The following MEI4 variants were observed in gnomAD, a reference collection of about 807,000 sequenced individuals.
MEI4 encodes meiosis-specific protein MEI4.
MEI4 carries 27 observed loss-of-function variants against 31.4 expected under a neutral mutation model. That is an observed-to-expected ratio of 0.86 (90% CI 0.63 to 1.19). MEI4 has a LOEUF of 1.19. MEI4 is among the 50% of genes most tolerant of loss of function. MEI4 has a pLI of 0.00. For missense variants in MEI4, 329 were observed against 398.9 expected (o/e 0.82, Z 1.49); for synonymous variants, 122 against 145.4 (o/e 0.84, Z 1.16).
At chr6:77,882,065 CA>C (rs1258587971) in intron 4 of MEI4, among the ~76,000 whole-genome samples, 1 of 152,108 alleles carries the variant, frequency 6.6e-6, no homozygotes, top group Non-Finnish European at 1.5e-5. Context: ...CAAATGGATT[CA>C]AATATGAGAG....
intron 3 of MEI4, among the ~76,000 whole-genome samples, chr6:77,782,710 A>C (rs1352015216): frequency 6.6e-6 from 1 of 152,206 alleles, no homozygotes; most frequent in African/African-American, 2.4e-5. Flanking sequence ...TGTCATCTAT[A>C]GGTTCTTATA....
chr6:77,893,972 A>G (rs1399027243), intron 4 of MEI4, among the ~76,000 whole-genome samples: 2 of 152,166 alleles, frequency 1.3e-5, no homozygotes, highest in Non-Finnish European at 2.9e-5. Context: ...TCTAAAACAA[A>G]AGTTGAAATT....
At chr6:77,704,755 G>A (rs1183877525) in intron 2 of MEI4, among the ~76,000 whole-genome samples, 1 of 152,056 alleles carries the variant, frequency 6.6e-6, no homozygotes, top group East Asian at 1.9e-4. Context: ...CCAGAGAAGC[G>A]TCAAAGGAAA....
At chr6:77,704,231 G>A (rs1445761822) in intron 2 of MEI4, among the ~76,000 whole-genome samples, 4 of 152,082 alleles carry the variant, frequency 2.6e-5, no homozygotes, top group Non-Finnish European at 5.9e-5. Flanking sequence ...ATTCTTTAAA[G>A]TTTATTTTCT....
At chr6:77,736,806 G>T (rs1362886757) in intron 2 of MEI4, among the ~76,000 whole-genome samples, 1 of 152,048 alleles carries the variant, frequency 6.6e-6, no homozygotes, top group East Asian at 1.9e-4. Context: ...TCCAGAGAAA[G>T]ATACTAACGT....
chr6:77,790,606 A>C (rs1269154232), intron 3 of MEI4, among the ~76,000 whole-genome samples: 1 of 152,086 alleles, frequency 6.6e-6, no homozygotes, highest in African/African-American at 2.4e-5. Flanking sequence ...AAACTTCCCA[A>C]ATCTTGGGAG....
intron 3 of MEI4, among the ~76,000 whole-genome samples, chr6:77,781,640 C>T (rs571784714): frequency 6.6e-6 from 1 of 152,038 alleles, no homozygotes; most frequent in Non-Finnish European, 1.5e-5. Flanking sequence ...ATATGTTTTG[C>T]AATTATTTCA....
chr6:77,787,235 A>G (rs927071478), intron 3 of MEI4, among the ~76,000 whole-genome samples: 3 of 152,176 alleles, frequency 2.0e-5, no homozygotes, highest in South Asian at 2.1e-4. Flanking sequence ...AGCCAATGAC[A>G]TAGCAGCAGC....
chr6:77,795,226 T>C (rs1769044839), intron 3 of MEI4, among the ~76,000 whole-genome samples: 2 of 152,036 alleles, frequency 1.3e-5, no homozygotes, highest in African/African-American at 4.8e-5. Context: ...AGCACAGAAA[T>C]AAATGAAATT....
intron 4 of MEI4, among the ~76,000 whole-genome samples, chr6:77,853,569 A>G (rs1448537830): frequency 6.6e-6 from 1 of 152,212 alleles, no homozygotes; most frequent in African/African-American, 2.4e-5. Flanking sequence ...GAAAAGCATG[A>G]GGCAATGTGC....
intron 3 of MEI4, among the ~76,000 whole-genome samples, chr6:77,762,768 G>A (rs1454980868): frequency 6.6e-6 from 1 of 152,102 alleles, no homozygotes; most frequent in East Asian, 1.9e-4. Flanking sequence ...TTGTGAGTAA[G>A]CTTCGGCATT....
intron 3 of MEI4, among the ~76,000 whole-genome samples, chr6:77,808,060 G>A (rs1406906722): frequency 1.3e-5 from 2 of 152,098 alleles, no homozygotes; most frequent in African/African-American, 4.8e-5. Flanking sequence ...GAGTAAACCT[G>A]TTTCTGTGAT....
chr6:77,892,842 C>G (rs933752769), intron 4 of MEI4, among the ~76,000 whole-genome samples: 2 of 151,958 alleles, frequency 1.3e-5, no homozygotes, highest in Non-Finnish European at 2.9e-5. Context: ...GCTGGACTCT[C>G]CAAATGGCTC....
At chr6:77,706,744 G>A (rs1320253285) in intron 2 of MEI4, among the ~76,000 whole-genome samples, 2 of 152,068 alleles carry the variant, frequency 1.3e-5, no homozygotes, top group Admixed American at 6.5e-5. Flanking sequence ...CTCTGGTTGT[G>A]TAAAAGAGCC....
intron 1 of MEI4, among the ~76,000 whole-genome samples, chr6:77,664,043 T>C (rs1207020978): frequency 6.6e-6 from 1 of 152,226 alleles, no homozygotes; most frequent in African/African-American, 2.4e-5. Context: ...GAGGAGGTTC[T>C]GGAGGAACGC....
chr6:77,696,249 C>A (rs1229603471), intron 2 of MEI4, among the ~76,000 whole-genome samples: 1 of 152,070 alleles, frequency 6.6e-6, no homozygotes, highest in Non-Finnish European at 1.5e-5. Flanking sequence ...AATTGAATAC[C>A]CTTTATTTCC....
At chr6:77,736,329 A>G (rs1225747342) in intron 2 of MEI4, among the ~76,000 whole-genome samples, 1 of 151,910 alleles carries the variant, frequency 6.6e-6, no homozygotes, top group Non-Finnish European at 1.5e-5. Context: ...GCGGGATATA[A>G]TCTCCTGGTG....
intron 4 of MEI4, among the ~76,000 whole-genome samples, chr6:77,922,791 T>TGTTA (rs1766735566): frequency 6.6e-6 from 1 of 151,734 alleles, no homozygotes; most frequent in African/African-American, 2.4e-5. Context: ...GCCAAGTCAC[T>TGTTA]GTTAAGACCC....
In MEI4 at chr6:77,924,550, T is replaced by G. The variant is rs577032655; in HGVS notation, c.*1204T>G. 62 of 151,930 alleles carry G rather than the reference T, an allele frequency of 4.1e-4. No homozygotes were observed. The highest frequency in any genetic ancestry group is 1.5e-3 in the African/African-American group (61 of 41,506). The allele number at this position is 151,930 out of a possible 1,614,324, so 9.4% of individuals were successfully genotyped here. ...ATATGCAGGTCACTCAAGGATCAGC[T>G]GATTTGGACTGGACTTGACTTTAAT... On this transcript the variant is annotated 3_prime_UTR_variant, in exon 5 of 5. Coordinates refer to ENST00000684080, the MANE Select transcript of MEI4 (RefSeq NM_001322247.2).
Sources: gnomAD v4.1 joint callset for allele counts (sites outside exome capture counted in the v4.1 genomes callset) on GRCh38, gnomAD v4.1.1 for gene constraint, MANE v1.5 for transcripts, NCBI Gene and HGNC (gene_info 2026-07-23, HGNC 2026-07-21) for gene names.